Variants in DDX46 observed in about 807,000 individuals in gnomAD.
DDX46 encodes the protein DEAD-box helicase 46.
DDX46 carries 30 observed loss-of-function variants against 134.9 expected under a neutral mutation model. The observed-to-expected ratio is 0.22, with a 90% CI of 0.17 to 0.30. The LOEUF (loss-of-function observed/expected upper bound fraction) is 0.30, where lower values mean the gene tolerates loss of function less well. Among genes scored for constraint, DDX46 ranks in the 10% least tolerant of loss-of-function variants. The probability of loss-of-function intolerance (pLI) is 1.00; values close to 1 mark genes in which losing one functional copy is unlikely to be tolerated. For missense variants in DDX46, 622 were observed against 1,248.7 expected (o/e 0.50, Z 7.56); for synonymous variants, 415 against 404.1 (o/e 1.03, Z -0.32).
At chr5:134,800,714 T>A (rs1239236646) in intron 15 of DDX46, among the ~76,000 whole-genome samples, 1 of 152,146 alleles carries the variant, frequency 6.6e-6, no homozygotes, top group African/African-American at 2.4e-5. Context: ...TTGCTCTTGT[T>A]GCCCAGGCTG....
intron 11 of DDX46, 152 bp downstream of exon 11, chr5:134,785,738 G>C: frequency 1.1e-6 from 1 of 896,186 alleles, no homozygotes; most frequent in Non-Finnish European, 1.6e-6. Flanking sequence ...GTAAGAATTA[G>C]TTATTTTATG....
chr5:134,780,027 G>A lies in DDX46; in HGVS notation c.766-1106G>A, dbSNP rs372235837. Reference sequence around the variant, plus strand: ...GGCAGGGGAATAGCTTGAACTGGGAGCAATTAGCCTAGATCACACCACTGT... The same window carrying A: ...GGCAGGGGAATAGCTTGAACTGGGAACAATTAGCCTAGATCACACCACTGT... On this transcript the variant is annotated intron_variant, in intron 6 of 22. Transcript: ENST00000452510. 4.9e-4 allele frequency among the ~76,000 whole-genome samples: 75 copies of A among 151,668 alleles called. 2 individuals are homozygous for A. In the South Asian group the frequency reaches 0.015, roughly 31 times the overall value.
At position 134,773,829 on chromosome 5, in the gene DDX46, A is replaced by C. The variant is rs1753849106; in HGVS notation, c.581A>C (p.Gln194Pro). 6.2e-7 allele frequency: 1 copy of C among 1,610,958 alleles called. No homozygotes were observed. Among genetic ancestry groups the C allele is most frequent in the Non-Finnish European group, 8.5e-7 (1 of 1,179,124 alleles). Residue 194 changes from glutamine (Q) to proline (P), a missense_variant, in exon 5 of 23, where the codon CAA (glutamine) becomes CCA (proline). Physicochemically the swap from Gln to Pro is moderately conservative, Grantham distance 76 (BLOSUM62 -1). Around this residue, in one of 8 missense-constraint regions of DDX46, gnomAD observed 244 missense variants for 349.3 expected, o/e 0.70. Transcript: ENST00000452510. The part of the protein sequence containing the change: ...ELKKEIEEMK[Q>P]GKKWSLEDDD... ...AAAAAGGAAATCGAAGAGATGAAACAAGGGAAAAAGTGGAGTTTAGAGGAC... is the reference window on the plus strand; with the variant it reads ...AAAAAGGAAATCGAAGAGATGAAACCAGGGAAAAAGTGGAGTTTAGAGGAC...
rs755580689 is a variant in DDX46 at position 134,826,951 on chromosome 5, C to T, written c.2982C>T (p.Ala994=). 6.2e-7 allele frequency: 1 copy of T among 1,612,792 alleles called. No individual in the cohort carries two copies. Among genetic ancestry groups the T allele is most frequent in the Non-Finnish European group, 8.5e-7 (1 of 1,179,528 alleles). The change falls in exon 22 of 23, where the codon GCC becomes GCT. Residue 994 remains alanine (A), a synonymous_variant. Coordinates refer to ENST00000452510, the MANE Select transcript of DDX46 (RefSeq NM_001300860.2). ...ERKIYLAIES[A]NELAVQKAKA... ...TGCTTTCCACTCAATCACTAGGTGC[C>T]AATGAACTGGCTGTGCAGAAAGCAA...
intron 15 of DDX46, among the ~76,000 whole-genome samples, chr5:134,799,042 C>T (rs1042380976): frequency 1.3e-5 from 2 of 151,856 alleles, no homozygotes; most frequent in African/African-American, 2.4e-5. Flanking sequence ...TTAAAGTTTC[C>T]GGGAGGATGT....
Position 134,762,951 on chromosome 5 carries a change from C to G in DDX46, c.18-953C>G, listed in dbSNP as rs375643226. Among the ~76,000 whole-genome samples, 8 of 150,726 alleles carry G rather than the reference C, an allele frequency of 5.3e-5. No homozygotes were observed. In the East Asian group the frequency reaches 1.2e-3, roughly 22 times the overall value. On this transcript the variant is annotated intron_variant, in intron 1 of 22. Transcript: ENST00000452510. Reference sequence around the variant, plus strand: ...GCGGACGCCTATAGTCCTAGCTACTCGGGAGGCTGAGGCAGGAGAATGGTG... The same window carrying G: ...GCGGACGCCTATAGTCCTAGCTACTGGGGAGGCTGAGGCAGGAGAATGGTG...
At chr5:134,801,461 C>T (rs1213373972) in intron 15 of DDX46, among the ~76,000 whole-genome samples, 1 of 152,094 alleles carries the variant, frequency 6.6e-6, no homozygotes, top group Non-Finnish European at 1.5e-5. Flanking sequence ...GGCACTCTCT[C>T]AGCTTGGCTC....
At chr5:134,769,916 C>G (rs1228473329) in intron 3 of DDX46, among the ~76,000 whole-genome samples, 1 of 152,144 alleles carries the variant, frequency 6.6e-6, no homozygotes, top group Non-Finnish European at 1.5e-5. Context: ...CTGCCTTGGC[C>G]TCTCAAAGTG....
chr5:134,791,670 A>G (rs1160827700), intron 13 of DDX46, among the ~76,000 whole-genome samples: 2 of 152,218 alleles, frequency 1.3e-5, no homozygotes, highest in Non-Finnish European at 2.9e-5. Flanking sequence ...GACCATAGTA[A>G]TGGAAATGTG....
At chr5:134,785,113 G>T (rs1319498761) in intron 10 of DDX46, among the ~76,000 whole-genome samples, 1 of 152,120 alleles carries the variant, frequency 6.6e-6, no homozygotes, top group Non-Finnish European at 1.5e-5. Context: ...GGTTGTTTCT[G>T]GAAGCAGCAG....
intron 15 of DDX46, among the ~76,000 whole-genome samples, chr5:134,803,605 C>T (rs1191556696): frequency 6.6e-6 from 1 of 152,164 alleles, no homozygotes; most frequent in Non-Finnish European, 1.5e-5. Context: ...CTACACTTTG[C>T]CAGTGCCAGT....
chr5:134,786,187 A>G (rs557746959), intron 11 of DDX46, among the ~76,000 whole-genome samples: 2 of 152,272 alleles, frequency 1.3e-5, no homozygotes, highest in East Asian at 3.9e-4. Context: ...AATATTGGTA[A>G]CTATATGAGG....
intron 7 of DDX46, 122 bp downstream of exon 7, chr5:134,781,368 A>G (rs1425923284): frequency 2.8e-6 from 2 of 712,358 alleles, no homozygotes; most frequent in Non-Finnish European, 4.7e-6. Context: ...ATTGAGAGAC[A>G]TTCTTGCTAT....
intron 1 of DDX46, among the ~76,000 whole-genome samples, chr5:134,761,135 C>T (rs1165270828): frequency 6.6e-6 from 1 of 152,164 alleles, no homozygotes; most frequent in African/African-American, 2.4e-5. Flanking sequence ...AAGAGATCCT[C>T]CCACCTCAGC....
intron 9 of DDX46, 108 bp from the exon 10 acceptor site, chr5:134,784,258 T>C: frequency 2.7e-6 from 3 of 1,120,040 alleles, no homozygotes; most frequent in Non-Finnish European, 2.5e-6. Context: ...TTTTATTGTA[T>C]GATATATACC....
At chr5:134,805,067 C>G in intron 15 of DDX46, 1 of 324,322 alleles carries the variant, frequency 3.1e-6, no homozygotes, top group South Asian at 3.1e-5. Flanking sequence ...TTCCAGACAA[C>G]CTAGTTTTGT....
intron 22 of DDX46, 123 bp from the exon 23 acceptor site, chr5:134,828,536 G>T: frequency 3.7e-6 from 2 of 547,632 alleles, no homozygotes; most frequent in South Asian, 1.0e-4. Flanking sequence ...TTATAAGTTG[G>T]CAAAGGAAAT....
At chr5:134,787,384 T>G (rs1238336087) in intron 11 of DDX46, among the ~76,000 whole-genome samples, 1 of 152,252 alleles carries the variant, frequency 6.6e-6, no homozygotes, top group Non-Finnish European at 1.5e-5. Flanking sequence ...TCTTTGTTCT[T>G]AATAAGCTAA....
chr5:134,779,128 C>T (rs1754050852), intron 6 of DDX46, among the ~76,000 whole-genome samples: 1 of 152,006 alleles, frequency 6.6e-6, no homozygotes, highest in African/African-American at 2.4e-5. Context: ...AACTCCTGAC[C>T]TCAGGTGATC....
Sources: gnomAD v4.1 joint callset for allele counts (sites outside exome capture counted in the v4.1 genomes callset) on GRCh38, gnomAD v4.1.1 for gene constraint, gnomAD v4.1.1 regional missense constraint, MANE v1.5 for transcripts, NCBI Gene and HGNC (gene_info 2026-07-23, HGNC 2026-07-21) for gene names.